The following ZBTB20 variants were observed in gnomAD, a reference collection of about 807,000 sequenced individuals.
The protein encoded by ZBTB20 is zinc finger and BTB domain-containing protein 20.
ZBTB20 carries 9 observed loss-of-function variants against 56.9 expected under a neutral mutation model. The observed-to-expected ratio is 0.16, with a 90% CI of 0.10 to 0.28. The LOEUF (loss-of-function observed/expected upper bound fraction) is 0.28. Among genes scored for constraint, ZBTB20 ranks in the 10% least tolerant of loss-of-function variants. The pLI, the probability that ZBTB20 is intolerant of heterozygous loss-of-function variation, is 1.00. For missense variants in ZBTB20, 655 were observed against 1,003.0 expected (o/e 0.65, Z 4.69); for synonymous variants, 417 against 420.7 (o/e 0.99, Z 0.11).
intron 6 of ZBTB20, among the ~76,000 whole-genome samples, chr3:114,544,465 CTTTCTTTCTTT>C: frequency 1.3e-5 from 1 of 78,376 alleles, no homozygotes; most frequent in African/African-American, 5.2e-5. Context: ...TTCTTTCTTT[CTTTCTTTCTTT>C]CTTTTTCTTT....
At position 114,567,794 on chromosome 3, in the gene ZBTB20, C is replaced by T. The variant is rs141615587; in HGVS notation, c.-294-67403G>A. Among the ~76,000 whole-genome samples the T allele has an allele frequency of 3.9e-3, 600 of 152,270 alleles. 3 individuals carry two copies. The highest frequency in any genetic ancestry group is 6.1e-3 in the Admixed American group (94 of 15,290). On this transcript the variant is annotated intron_variant, in intron 6 of 11. Transcript: ENST00000675478. The stretch of plus-strand genomic sequence containing the variant: ...AATGAGGTTAAAATCTTTTGAAACC[C>T]CTGGAATACAGATGAGCTGGGAGGC...
At chr3:114,749,848 A>T (rs1284060062) in intron 5 of ZBTB20, among the ~76,000 whole-genome samples, 1 of 152,182 alleles carries the variant, frequency 6.6e-6, no homozygotes, top group Non-Finnish European at 1.5e-5. Context: ...ATCTCACAAA[A>T]TTGTTTTAAG....
At chr3:114,356,664 A>T (rs1014097972) in intron 10 of ZBTB20, among the ~76,000 whole-genome samples, 2 of 152,158 alleles carry the variant, frequency 1.3e-5, no homozygotes, top group African/African-American at 4.8e-5. Context: ...AGTTAGTCAC[A>T]CTAGGAAAGA....
intron 6 of ZBTB20, among the ~76,000 whole-genome samples, chr3:114,597,217 C>T (rs2107604355): frequency 6.6e-6 from 1 of 152,234 alleles, no homozygotes; most frequent in South Asian, 2.1e-4. Flanking sequence ...GTAGTGACCC[C>T]TAGTGGGTTT....
chr3:114,607,449 T>A (rs1283123513), intron 6 of ZBTB20, among the ~76,000 whole-genome samples: 1 of 151,832 alleles, frequency 6.6e-6, no homozygotes, highest in Non-Finnish European at 1.5e-5. Flanking sequence ...ATTACAGGCA[T>A]GCACCCCCAA....
At chr3:114,453,080 C>T (rs2091739466) in intron 7 of ZBTB20, among the ~76,000 whole-genome samples, 1 of 152,146 alleles carries the variant, frequency 6.6e-6, no homozygotes, top group South Asian at 2.1e-4. Context: ...ACACATACAG[C>T]TCACATCTGA....
intron 3 of ZBTB20, among the ~76,000 whole-genome samples, chr3:114,948,401 A>G (rs2076955794): frequency 6.8e-6 from 1 of 146,178 alleles, no homozygotes; most frequent in South Asian, 2.1e-4. Context: ...TAGCTAGTGC[A>G]CACAAGTGGT....
chr3:114,720,115 GTA>G (rs998375579), intron 5 of ZBTB20, among the ~76,000 whole-genome samples: 4 of 148,710 alleles, frequency 2.7e-5, no homozygotes, highest in African/African-American at 9.8e-5. Context: ...TGTATAATAT[GTA>G]TATATTGTTT....
chr3:114,345,536 T>C (rs2108145059), intron 11 of ZBTB20, among the ~76,000 whole-genome samples: 1 of 152,334 alleles, frequency 6.6e-6, no homozygotes, highest in South Asian at 2.1e-4. Flanking sequence ...AGATTCTTAT[T>C]AGTGGAATTT....
intron 6 of ZBTB20, among the ~76,000 whole-genome samples, chr3:114,514,721 A>T (rs2045789136): frequency 6.6e-6 from 1 of 152,150 alleles, no homozygotes; most frequent in South Asian, 2.1e-4. Flanking sequence ...GGAGAAAGAG[A>T]AAACAAAGAA....
intron 3 of ZBTB20, among the ~76,000 whole-genome samples, chr3:114,929,690 C>T (rs1169901308): frequency 6.6e-6 from 1 of 152,188 alleles, no homozygotes; most frequent in Non-Finnish European, 1.5e-5. Flanking sequence ...TTCATATGTG[C>T]AAACTGAGTT....
intron 5 of ZBTB20, among the ~76,000 whole-genome samples, chr3:114,710,999 T>C (rs1294133744): frequency 6.6e-6 from 1 of 152,178 alleles, no homozygotes; most frequent in Non-Finnish European, 1.5e-5. Context: ...CCCCTTTCCC[T>C]AAAATGTTCT....
chr3:114,750,773 C>T (rs2067497982), intron 5 of ZBTB20, among the ~76,000 whole-genome samples: 1 of 152,210 alleles, frequency 6.6e-6, no homozygotes, highest in African/African-American at 2.4e-5. Flanking sequence ...CTAGCAATAA[C>T]AGCCTTTTGA....
rs1300738198 is a variant in ZBTB20, at chr3:114,334,378, G to A, written c.*4627C>T. 1 of 152,126 alleles carries A rather than the reference G, an allele frequency of 6.6e-6. No homozygotes were observed. Among genetic ancestry groups the A allele is most frequent in the Non-Finnish European group, 1.5e-5 (1 of 68,026 alleles). 9.4% of individuals were successfully genotyped at this position (152,126 alleles called of 1,614,324 possible). A position where few individuals can be genotyped will look rare whatever the true frequency, so the allele number is the denominator to read the frequency against. On this transcript the variant is annotated 3_prime_UTR_variant, in exon 12 of 12. Transcript: ENST00000675478. ...TCAGGAATCGAAGGGGTTTTATAAG[G>A]GGCATATCTCATTTTTGACTTCTGT...
chr3:114,822,251 T>C (rs966484241), intron 4 of ZBTB20, among the ~76,000 whole-genome samples: 1 of 152,128 alleles, frequency 6.6e-6, no homozygotes, highest in Non-Finnish European at 1.5e-5. Context: ...AAGTATGAGA[T>C]ATAAATAGTT....
intron 3 of ZBTB20, among the ~76,000 whole-genome samples, chr3:114,912,450 C>A (rs1390859071): frequency 6.6e-6 from 1 of 151,536 alleles, no homozygotes; most frequent in Non-Finnish European, 1.5e-5. Context: ...ATTAGGTATA[C>A]TTTTAAACTT....
chr3:114,653,406 A>T (rs1439886462), intron 6 of ZBTB20, among the ~76,000 whole-genome samples: 1 of 151,856 alleles, frequency 6.6e-6, no homozygotes, highest in Non-Finnish European at 1.5e-5. Context: ...CTTCTTTATT[A>T]GGATGCATTT....
chr3:114,706,555 G>C (rs2063728906), intron 5 of ZBTB20, among the ~76,000 whole-genome samples: 1 of 152,072 alleles, frequency 6.6e-6, no homozygotes, highest in Non-Finnish European at 1.5e-5. Context: ...TCATTTAACA[G>C]TTGGGCAAAA....
chr3:115,081,646 AC>A (rs2082800415), intron 1 of ZBTB20, among the ~76,000 whole-genome samples: 1 of 150,378 alleles, frequency 6.6e-6, no homozygotes, highest in Non-Finnish European at 1.5e-5. Flanking sequence ...GTGGAGAAGG[AC>A]CCCTGGTGTC....
Sources: allele counts gnomAD v4.1 joint callset (sites outside exome capture counted in the v4.1 genomes callset), GRCh38; gene constraint gnomAD v4.1.1; transcripts MANE v1.5; gene names NCBI Gene and HGNC (gene_info 2026-07-23, HGNC 2026-07-21).